The following THAP1 variants were observed in gnomAD, a reference collection of about 807,000 sequenced individuals.
The protein encoded by THAP1 is THAP domain-containing protein 1.
In THAP1, 6 loss-of-function variants were observed where a neutral mutation model predicts 18.2. The observed-to-expected ratio is 0.33, with a 90% CI of 0.18 to 0.65. The LOEUF is 0.65. Ranked by LOEUF, THAP1 falls within the 30% of genes least tolerant of loss-of-function variation. The pLI is 0.74. For synonymous variants in THAP1, 85 were observed against 90.5 expected, an observed-to-expected ratio of 0.94 and a Z score of 0.34; for missense variants, 176 against 253.0, an observed-to-expected ratio of 0.70 and a Z score of 2.06.
At chr8:42,838,831 G>C (rs933151179) in intron 2 of THAP1, among the ~76,000 whole-genome samples, 1 of 152,148 alleles carries the variant, frequency 6.6e-6, no homozygotes. Flanking sequence ...TAGAGGGACG[G>C]TGCAGGAAAG....
chr8:42,842,382 A>G (rs1802735761), intron 1 of THAP1: 1 of 152,236 alleles, frequency 6.6e-6, no homozygotes, highest in African/African-American at 2.4e-5. Context: ...AGGTAATGCC[A>G]TAATAAATAA....
chr8:42,839,348 T>C lies in THAP1; in HGVS notation c.105A>G (p.Glu35=), dbSNP rs368222342. 1.1e-5 allele frequency: 17 copies of C among 1,613,948 alleles called. No homozygotes were observed. Among genetic ancestry groups the C allele is most frequent in the Non-Finnish European group, 1.4e-5 (16 of 1,180,004 alleles). ...TTTTTCTTCTGACAGCTGCCTCCCA[T>C]TCTTTACAAAGACTGGGTCGAGTAA... ...FPLTRPSLCK[E]WEAAVRRKNF... Residue 35 remains glutamate (E), a synonymous_variant, in exon 2 of 3, where the codon GAA becomes GAG. Coordinates refer to ENST00000254250, the MANE Select transcript of THAP1 (RefSeq NM_018105.3).
Position 42,837,378 on chromosome 8 carries a change from A to T in THAP1, c.*584T>A, listed in dbSNP as rs1424709325. The stretch of plus-strand genomic sequence containing the variant: ...GAAGTTATTGATCAGATATGCAATG[A>T]CTTTTTTCTGCTGTGATGATAATCA... On this transcript the variant is annotated 3_prime_UTR_variant, in exon 3 of 3. Coordinates refer to ENST00000254250, the MANE Select transcript of THAP1 (RefSeq NM_018105.3). The T allele has an allele frequency of 2.6e-5, 4 of 152,226 alleles. No homozygotes were observed. Among genetic ancestry groups the T allele is most frequent in the Non-Finnish European group, 4.4e-5 (3 of 68,086 alleles). The allele number at this position is 152,226 out of a possible 1,614,324, so 9.4% of individuals were successfully genotyped here. A position where few individuals can be genotyped will look rare whatever the true frequency, so the allele number is the denominator to read the frequency against.
In THAP1 at chr8:42,837,821, T is replaced by C. The variant is rs745429614; in HGVS notation, c.*141A>G. Reference sequence around the variant, plus strand: ...AAAAAATTTATAATTTTACAGTATATATAGAATTTTTTTTAAAAAAATATT... The same window carrying C: ...AAAAAATTTATAATTTTACAGTATACATAGAATTTTTTTTAAAAAAATATT... On this transcript the variant is annotated 3_prime_UTR_variant, in exon 3 of 3. Transcript: ENST00000254250. The C allele has an allele frequency of 6.0e-4, 516 of 861,496 alleles. No individual in the cohort carries two copies. The highest frequency in any genetic ancestry group is 6.1e-4 in the South Asian group (23 of 37,498). The allele number at this position is 861,496 out of a possible 1,614,324, so 53.4% of individuals were successfully genotyped here.
At chr8:42,838,391 G>C in intron 2 of THAP1, 55 bp from the exon 3 acceptor site, 2 of 1,600,814 alleles carry the variant, frequency 1.2e-6, no homozygotes, top group Non-Finnish European at 1.7e-6. Context: ...CAGTTTAAAA[G>C]AATCTGTGGA....
chr8:42,841,445 C>G (rs974678419), intron 1 of THAP1, among the ~76,000 whole-genome samples: 1 of 151,842 alleles, frequency 6.6e-6, no homozygotes, highest in Non-Finnish European at 1.5e-5. Flanking sequence ...AGATTACAGG[C>G]GTACGCCTGT....
intron 1 of THAP1, among the ~76,000 whole-genome samples, chr8:42,840,076 G>A (rs1399804190): frequency 1.3e-5 from 2 of 152,052 alleles, no homozygotes; most frequent in Non-Finnish European, 2.9e-5. Context: ...ATGTGCCCAG[G>A]TACTCAGGAG....
rs531112336 is a variant in THAP1 at position 42,839,551 on chromosome 8, T to G, written c.72-170A>C. On this transcript the variant is annotated intron_variant, in intron 1 of 2. Transcript: ENST00000254250. ...TTATCTATTTATCTCATTTATTAAT[T>G]TTTTAAAAATTTTTTTGAGATGCCG... is the stretch of plus-strand genomic sequence containing the variant. 2.0e-5 allele frequency among the ~76,000 whole-genome samples: 3 copies of G among 152,166 alleles called. No individual in the cohort carries two copies. The East Asian group carries it at 5.8e-4, about 29-fold the overall frequency.
intron 1 of THAP1, 83 bp from the exon 2 acceptor site, chr8:42,839,464 C>A: frequency 7.5e-7 from 1 of 1,337,716 alleles, no homozygotes. Context: ...TAGGAAATAT[C>A]TTACATTGGT....
rs1035853614 is a variant in THAP1, at chr8:42,838,419, C to T, written c.268-83G>A. The T allele has an allele frequency of 4.0e-5, 63 of 1,558,718 alleles. No homozygotes were observed. In the Admixed American group the frequency reaches 9.3e-4, roughly 23 times the overall value. ...TCTGTGGACTGACCAGGCGCAGTGG[C>T]TCATGCCTATAATCCTAGTACTTTT... On this transcript the variant is annotated intron_variant, in intron 2 of 2. Transcript: ENST00000254250.
chr8:42,836,741 T>C lies in THAP1; in HGVS notation c.*1221A>G, dbSNP rs577105893. On this transcript the variant is annotated 3_prime_UTR_variant, in exon 3 of 3. Coordinates refer to ENST00000254250, the MANE Select transcript of THAP1 (RefSeq NM_018105.3). ...TGCTCTTCAACGATCTTAGTGTACT[T>C]TGAAATATAAAAGTAATAATTATCA... 1 of 152,782 alleles carries C rather than the reference T, an allele frequency of 6.5e-6. No individual in the cohort carries two copies. Among genetic ancestry groups the C allele is most frequent in the South Asian group, 2.1e-4 (1 of 4,830 alleles). 9.5% of individuals were successfully genotyped at this position (152,782 alleles called of 1,614,324 possible).
intron 1 of THAP1, chr8:42,842,418 G>A (rs571899747): frequency 4.6e-5 from 7 of 152,096 alleles, no homozygotes; most frequent in Non-Finnish European, 7.3e-5. Context: ...ATTTTATTAT[G>A]ATCCATGTTG....
intron 1 of THAP1, chr8:42,842,543 G>A (rs1464954960): frequency 6.6e-6 from 1 of 152,212 alleles, no homozygotes. Context: ...GAGATTGGGG[G>A]CAAAAATTCT....
At position 42,842,969 on chromosome 8, in the gene THAP1, C is replaced by CCG. The variant is rs1802753874; in HGVS notation, c.71+53_71+54dup. The CCG allele has an allele frequency of 1.3e-5, 18 of 1,416,876 alleles. No individual in the cohort carries two copies. In the South Asian group the frequency reaches 2.6e-4, roughly 20 times the overall value. 87.8% of individuals were successfully genotyped at this position (1,416,876 alleles called of 1,614,324 possible). On this transcript the variant is annotated intron_variant, in intron 1 of 2. Coordinates refer to ENST00000254250, the MANE Select transcript of THAP1 (RefSeq NM_018105.3). ...CTGGCTCCGCCCCCGGCCCCGCCGG[C>CCG]CGCGCGCCCCCACCCCGGCTGAGAC...
At position 42,839,549 on chromosome 8, in the gene THAP1, A is replaced by AT. The variant is rs144111248; in HGVS notation, c.72-169dup. Among the ~76,000 whole-genome samples the AT allele has an allele frequency of 0.076, 11,536 of 152,096 alleles. 1,027 individuals carry two copies. The highest frequency in any genetic ancestry group is 0.22 in the African/African-American group (8,970 of 41,440). On this transcript the variant is annotated intron_variant, in intron 1 of 2. Transcript: ENST00000254250. The stretch of plus-strand genomic sequence containing the variant: ...AGTTATCTATTTATCTCATTTATTA[A>AT]TTTTTTAAAAATTTTTTTGAGATGC...
chr8:42,842,986 G>A (rs1258032346), intron 1 of THAP1, 38 bp downstream of exon 1: 1 of 1,438,222 alleles, frequency 7.0e-7, no homozygotes, highest in East Asian at 3.3e-5. Context: ...CCCCCACCCC[G>A]GCTGAGACCG....
At chr8:42,841,100 T>TCA in intron 1 of THAP1, among the ~76,000 whole-genome samples, 1 of 152,108 alleles carries the variant, frequency 6.6e-6, no homozygotes, top group Admixed American at 6.6e-5. Context: ...TATGGTAGCA[T>TCA]TTGCTGGTAA....
Position 42,837,959 on chromosome 8 carries a change from T to G in THAP1, c.*3A>C, listed in dbSNP as rs774148629. ...ATTAGAAATCAATACACATTTCATT[T>G]TTTTATGCTGGTACTTCAACTATTT... On this transcript the variant is annotated 3_prime_UTR_variant, in exon 3 of 3. Transcript: ENST00000254250. The G allele has an allele frequency of 6.2e-7, 1 of 1,612,348 alleles. No individual in the cohort carries two copies. The highest frequency in any genetic ancestry group is 1.1e-5 in the South Asian group (1 of 91,076).
rs1802621950 is a variant in THAP1, at chr8:42,836,819, T to G, written c.*1143A>C. The stretch of plus-strand genomic sequence containing the variant: ...GATAACTCCCATAGCAATATTTGTT[T>G]ACTCAGAACATATTTTCACTTCCAA... On this transcript the variant is annotated 3_prime_UTR_variant, in exon 3 of 3. Transcript: ENST00000254250. 1 of 152,562 alleles carries G rather than the reference T, an allele frequency of 6.6e-6. No homozygotes were observed. The highest frequency in any genetic ancestry group is 2.4e-5 in the African/African-American group (1 of 41,472). The allele number at this position is 152,562 out of a possible 1,614,324, so 9.5% of individuals were successfully genotyped here. A position where few individuals can be genotyped will look rare whatever the true frequency, so the allele number is the denominator to read the frequency against.
Sources: gnomAD v4.1 joint callset for allele counts (sites outside exome capture counted in the v4.1 genomes callset) on GRCh38, gnomAD v4.1.1 for gene constraint, MANE v1.5 for transcripts, NCBI Gene and HGNC (gene_info 2026-07-23, HGNC 2026-07-21) for gene names.